The following TRAPPC10 variants were observed in gnomAD, a reference collection of about 807,000 sequenced individuals.
TRAPPC10 encodes the protein trafficking protein particle complex subunit 10.
In TRAPPC10, 23 loss-of-function variants were observed where a neutral mutation model predicts 125.5. That is an observed-to-expected ratio of 0.18 (90% CI 0.13 to 0.26). TRAPPC10 has a LOEUF of 0.26. Ranked by LOEUF, TRAPPC10 falls within the 10% of genes least tolerant of loss-of-function variation. The probability of loss-of-function intolerance (pLI) is 1.00; values close to 1 mark genes in which losing one functional copy is unlikely to be tolerated. For missense variants in TRAPPC10, 1,123 were observed against 1,308.4 expected (o/e 0.86, Z 2.19); for synonymous variants, 509 against 518.0 (o/e 0.98, Z 0.24).
chr21:44,057,344 G>A (rs1230348989), intron 5 of TRAPPC10, among the ~76,000 whole-genome samples: 1 of 151,692 alleles, frequency 6.6e-6, no homozygotes, highest in Non-Finnish European at 1.5e-5. Flanking sequence ...TGTCACCAAG[G>A]GCTGGCGTGC....
intron 13 of TRAPPC10, among the ~76,000 whole-genome samples, chr21:44,081,025 T>TC (rs201473635): frequency 1.4e-5 from 2 of 138,132 alleles, no homozygotes; most frequent in African/African-American, 6.0e-5. Context: ...TTCTTTTTTT[T>TC]TTTTTTTTTT....
intron 18 of TRAPPC10, 100 bp downstream of exon 18, chr21:44,090,033 G>A (rs975826733): frequency 5.0e-6 from 4 of 802,016 alleles, no homozygotes; most frequent in Non-Finnish European, 8.2e-6. Flanking sequence ...GACCAAGGAT[G>A]TCTTCTTATG....
intron 1 of TRAPPC10, among the ~76,000 whole-genome samples, chr21:44,023,813 C>G (rs771577872): frequency 6.6e-6 from 1 of 152,204 alleles, no homozygotes; most frequent in Non-Finnish European, 1.5e-5. Flanking sequence ...GGCTCTTACT[C>G]TGTTGCCCAT....
chr21:44,059,289 C>A lies in TRAPPC10; in HGVS notation c.790+75C>A. On this transcript the variant is annotated intron_variant, in intron 6 of 22. Transcript: ENST00000291574. The surrounding 1 kb of genome is among the most constrained non-coding windows in gnomAD (Gnocchi z 4.4). The stretch of plus-strand genomic sequence containing the variant: ...CCAACTTCAGATAGGCTTGAAGCAG[C>A]CATTTATTTACCTCAGGAGTACGCA... The A allele has an allele frequency of 1.9e-6, 2 of 1,067,570 alleles. No homozygotes were observed. The highest frequency in any genetic ancestry group is 2.4e-5 in the Admixed American group (1 of 41,560). The allele number at this position is 1,067,570 out of a possible 1,614,324, so 66.1% of individuals were successfully genotyped here. A position where few individuals can be genotyped will look rare whatever the true frequency, so the allele number is the denominator to read the frequency against.
intron 4 of TRAPPC10, among the ~76,000 whole-genome samples, chr21:44,053,359 GT>G (rs1296983404): frequency 4.6e-5 from 7 of 151,816 alleles, no homozygotes; most frequent in Non-Finnish European, 8.8e-5. Context: ...GTTTATACTT[GT>G]TTTTTTCACT....
rs747055693 is a variant in TRAPPC10, at chr21:44,037,834, C to T, written c.192C>T (p.Asn64=). Residue 64 remains asparagine, a synonymous_variant, in exon 3 of 23, where the codon AAC becomes AAT. Coordinates refer to ENST00000291574, the MANE Select transcript of TRAPPC10 (RefSeq NM_003274.5). ...CGAAGATGATTCACCTAGAGTCTAA[C>T]TTTGTTCAATTCAAAGAGGAGCTGC... ...RAPKMIHLES[N]FVQFKEELLP... 6.7e-5 allele frequency: 108 copies of T among 1,614,058 alleles called. No individual in the cohort carries two copies. The highest frequency in any genetic ancestry group is 1.7e-4 in the Admixed American group (10 of 60,004).
At position 44,087,965 on chromosome 21, in the gene TRAPPC10, C is replaced by T. The variant is rs996941983; in HGVS notation, c.2769+37C>T. ...CAGTGGAGGAGCTTAGCTTGTGGGG[C>T]GTCCGCCGCCCGCCTGCCTGCTGGG... On this transcript the variant is annotated intron_variant, in intron 17 of 22. Coordinates refer to ENST00000291574, the MANE Select transcript of TRAPPC10 (RefSeq NM_003274.5). This position sits in a 1 kb window ranked among gnomAD's most constrained non-coding sequence, Gnocchi z 4.6. 17 of 1,544,186 alleles carry T rather than the reference C, an allele frequency of 1.1e-5. No homozygotes were observed. The highest frequency in any genetic ancestry group is 2.3e-5 in the South Asian group (2 of 86,996).
At chr21:44,081,797 T>A (rs2037764111) in intron 13 of TRAPPC10, among the ~76,000 whole-genome samples, 1 of 152,128 alleles carries the variant, frequency 6.6e-6, no homozygotes, top group South Asian at 2.1e-4. Context: ...GAGGATCGCT[T>A]GAGCCCAGGA....
At chr21:44,034,335 C>T (rs1370244244) in intron 2 of TRAPPC10, among the ~76,000 whole-genome samples, 2 of 66,664 alleles carry the variant, frequency 3.0e-5, no homozygotes, top group Admixed American at 2.8e-4. Context: ...TCCCCCAACC[C>T]CCCCCCCCAC....
chr21:44,049,878 C>CTTT (rs71326020), intron 3 of TRAPPC10, among the ~76,000 whole-genome samples: 1,991 of 147,724 alleles, frequency 0.013, 14 homozygotes, highest in Middle Eastern at 0.027. Context: ...TTCTTTCTTT[C>CTTT]TTTTTTTTTT....
intron 10 of TRAPPC10, 128 bp from the exon 11 acceptor site, chr21:44,077,565 A>C (rs2037376665): frequency 1.6e-6 from 1 of 609,532 alleles, no homozygotes. Flanking sequence ...AGCCTGGGCG[A>C]TGGAGCAAGA....
At chr21:44,084,814 T>C (rs1360073110) in intron 15 of TRAPPC10, among the ~76,000 whole-genome samples, 1 of 152,174 alleles carries the variant, frequency 6.6e-6, no homozygotes, top group African/African-American at 2.4e-5. Context: ...ACAACCCCCT[T>C]TCTGGGTTTG....
rs546050529 is a variant in TRAPPC10, at chr21:44,014,596, T to TG, written c.67+2036_67+2037insG. On this transcript the variant is annotated intron_variant, in intron 1 of 22. Coordinates refer to ENST00000291574, the MANE Select transcript of TRAPPC10 (RefSeq NM_003274.5). ...AATTTTTTGTTTGTTTGTTTTTGTT[T>TG]TTTTTTTTTTTCAGTAGAGACAGAG... is the stretch of plus-strand genomic sequence containing the variant. Among the ~76,000 whole-genome samples, 92 of 150,756 alleles carry TG rather than the reference T, an allele frequency of 6.1e-4. 2 individuals are homozygous for TG. The Middle Eastern group carries it at 0.02, about 33-fold the overall frequency.
At chr21:44,079,535 T>C (rs1209924633) in intron 11 of TRAPPC10, 29 bp from the exon 12 acceptor site, 3 of 1,577,508 alleles carry the variant, frequency 1.9e-6, no homozygotes, top group Non-Finnish European at 2.6e-6. Flanking sequence ...CTAGCTGTAA[T>C]GAAAGCTACT....
At chr21:44,012,880 C>T (rs1239485179) in intron 1 of TRAPPC10, among the ~76,000 whole-genome samples, 4 of 151,992 alleles carry the variant, frequency 2.6e-5, no homozygotes, top group Non-Finnish European at 5.9e-5. Flanking sequence ...TGCCACCGCC[C>T]CGTCCCGCCC....
chr21:44,076,404 A>G (rs1240885578), intron 9 of TRAPPC10, 148 bp from the exon 10 acceptor site: 3 of 613,290 alleles, frequency 4.9e-6, no homozygotes, highest in Non-Finnish European at 8.7e-6. Context: ...AATGTACATA[A>G]TCATGTAGTT....
At position 44,079,602 on chromosome 21, in the gene TRAPPC10, A is replaced by G; in HGVS notation, c.1508A>G (p.Gln503Arg). Residue 503 changes from glutamine (Q) to arginine (R), a missense_variant, in exon 12 of 23, where the codon CAA (glutamine) becomes CGA (arginine). Coordinates refer to ENST00000291574, the MANE Select transcript of TRAPPC10 (RefSeq NM_003274.5). Reference protein sequence around the residue: ...KAPQKAEIYLQGALKNYLAEG... With the variant: ...KAPQKAEIYLRGALKNYLAEG... ...CCACAAAAGGCAGAAATCTATCTTC[A>G]AGGAGCACTGAAAAACTACCTGGCT... The G allele has an allele frequency of 6.2e-7, 1 of 1,607,226 alleles. No individual in the cohort carries two copies. The highest frequency in any genetic ancestry group is 8.5e-7 in the Non-Finnish European group (1 of 1,178,506).
At chr21:44,079,909 C>G in intron 12 of TRAPPC10, 106 bp from the exon 13 acceptor site, 1 of 1,142,236 alleles carries the variant, frequency 8.8e-7, no homozygotes, top group Non-Finnish European at 1.2e-6. Context: ...AAAAAAAAGC[C>G]CTTTGGCTTT....
intron 6 of TRAPPC10, chr21:44,060,307 G>A (rs1462828727): frequency 1.9e-5 from 2 of 105,646 alleles, no homozygotes; most frequent in African/African-American, 7.1e-5. Context: ...ATGGAGTCTT[G>A]CACTGTTGCC....
Sources: allele counts gnomAD v4.1 joint callset (sites outside exome capture counted in the v4.1 genomes callset), GRCh38; gene constraint gnomAD v4.1.1; non-coding constraint Gnocchi (gnomAD v3.1); transcripts MANE v1.5; gene names NCBI Gene and HGNC (gene_info 2026-07-23, HGNC 2026-07-21).